BPI: variants seen among roughly 807,000 people sequenced by gnomAD.
BPI encodes the protein bactericidal permeability-increasing protein.
BPI carries 48 observed loss-of-function variants against 57.6 expected under a neutral mutation model. The ratio of observed to expected loss-of-function variants is 0.83; its 90% CI spans 0.66 to 1.06. The LOEUF (loss-of-function observed/expected upper bound fraction) is 1.06, where lower values mean the gene tolerates loss of function less well. Ranked by LOEUF, BPI falls within the 50% of genes least tolerant of loss-of-function variation. The probability of loss-of-function intolerance (pLI) is 0.00; values close to 1 mark genes in which losing one functional copy is unlikely to be tolerated. For synonymous variants in BPI, 237 were observed against 238.2 expected (o/e 0.99, Z 0.05); for missense variants, 651 against 609.7 (o/e 1.07, Z -0.71).
chr20:38,309,157 C>T, intron 3 of BPI, 99 bp downstream of exon 3: 3 of 1,530,610 alleles, frequency 2.0e-6, no homozygotes, highest in Non-Finnish European at 2.7e-6. Context: ...TTTGCCTTGC[C>T]TATTACCACC....
intron 9 of BPI, among the ~76,000 whole-genome samples, 190 bp downstream of exon 9, chr20:38,325,023 G>C (rs1365755337): frequency 6.6e-6 from 1 of 152,248 alleles, no homozygotes; most frequent in Non-Finnish European, 1.5e-5. Flanking sequence ...TTGACCAGGT[G>C]TGGGAGTAGA....
rs370801121 is a variant in BPI, at chr20:38,337,125, A to T, written c.1414-21A>T. ...AAGGGGTGCATCTTCAACTGGTGACAACATTCTCATCTCTCCCTAGAACTT... is the reference window on the plus strand; with the variant it reads ...AAGGGGTGCATCTTCAACTGGTGACTACATTCTCATCTCTCCCTAGAACTT... On this transcript the variant is annotated intron_variant, in intron 14 of 14. Transcript: ENST00000642449. 36 of 1,600,992 alleles carry T rather than the reference A, an allele frequency of 2.2e-5. No homozygotes were observed. The African/African-American group carries it at 4.3e-4, about 19-fold the overall frequency.
chr20:38,335,418 A>G lies in BPI; in HGVS notation c.1337-180A>G, dbSNP rs984711023. 2.0e-4 allele frequency: 120 copies of G among 615,168 alleles called. 1 individual carries two copies. Among genetic ancestry groups the G allele is most frequent in the Non-Finnish European group, 4.1e-5 (14 of 345,600 alleles). The allele number at this position is 615,168 out of a possible 1,614,324, so 38.1% of individuals were successfully genotyped here. On this transcript the variant is annotated intron_variant, in intron 13 of 14. Coordinates refer to ENST00000642449, the MANE Select transcript of BPI (RefSeq NM_001725.3). The stretch of plus-strand genomic sequence containing the variant: ...AGTGGACTTGGGGTTGATGGACAAC[A>G]GGTGGGAGGTACGGACTCTGGGGCA...
intron 5 of BPI, among the ~76,000 whole-genome samples, chr20:38,316,972 A>G (rs535177726): frequency 2.0e-5 from 3 of 152,292 alleles, no homozygotes; most frequent in African/African-American, 7.2e-5. Context: ...AGAGCTTGCA[A>G]AGAAGTCTGG....
chr20:38,318,632 C>T (rs2076665433), intron 6 of BPI, among the ~76,000 whole-genome samples, 156 bp downstream of exon 6: 1 of 152,142 alleles, frequency 6.6e-6, no homozygotes, highest in Non-Finnish European at 1.5e-5. Flanking sequence ...AGGCAGCTAG[C>T]ATTGGGTCAA....
Position 38,307,622 on chromosome 20 carries a change from TG to T in BPI, c.187del (p.Asp63ThrfsTer33). The stretch of plus-strand genomic sequence containing the variant: ...AGGAGCTGAAGAGGATCAAGATTCC[TG>T]ACTACTCAGACAGCTTTAAGATCAA... ...QKELKRIKIP[D>X]YSDSFKIKHL... is the part of the protein sequence containing the mutation. On this transcript the variant is annotated frameshift_variant, in exon 2 of 15. Transcript: ENST00000642449. LOFTEE classifies it high-confidence loss of function. The T allele has an allele frequency of 6.2e-7, 1 of 1,612,234 alleles. No individual in the cohort carries two copies. The highest frequency in any genetic ancestry group is 8.5e-7 in the Non-Finnish European group (1 of 1,179,288).
chr20:38,315,835 C>CTTTTTTT (rs374398594), intron 5 of BPI, among the ~76,000 whole-genome samples: 2 of 132,252 alleles, frequency 1.5e-5, no homozygotes, highest in African/African-American at 2.8e-5. Flanking sequence ...CTTTTCTTTT[C>CTTTTTTT]TTTTTTTTTT....
intron 5 of BPI, among the ~76,000 whole-genome samples, chr20:38,314,068 TTGA>T (rs1179697542): frequency 1.8e-4 from 10 of 56,924 alleles, no homozygotes; most frequent in African/African-American, 5.0e-4. Flanking sequence ...TATGGTGAGG[TTGA>T]TGATGATGAT....
intron 12 of BPI, among the ~76,000 whole-genome samples, chr20:38,332,320 G>A (rs570194839): frequency 2.0e-5 from 3 of 152,124 alleles, no homozygotes; most frequent in African/African-American, 7.2e-5. Flanking sequence ...CAGACAAGGG[G>A]TCATTGAGGA....
At chr20:38,314,953 T>C (rs1197187836) in intron 5 of BPI, among the ~76,000 whole-genome samples, 2 of 151,396 alleles carry the variant, frequency 1.3e-5, no homozygotes, top group African/African-American at 4.9e-5. Flanking sequence ...ATTTTCTTCC[T>C]CCAAGGCAGG....
Position 38,310,473 on chromosome 20 carries a change from C to A in BPI, c.375-18C>A, listed in dbSNP as rs373538095. 6.2e-6 allele frequency: 10 copies of A among 1,608,818 alleles called. No homozygotes were observed. Among genetic ancestry groups the A allele is most frequent in the African/African-American group, 5.3e-5 (4 of 74,856 alleles). Reference sequence around the variant, plus strand: ...GGAAGAAAGGACTTGTCCCACATTCCTCTTTGTTCTTCTTCAGAAAAATGA... The same window carrying A: ...GGAAGAAAGGACTTGTCCCACATTCATCTTTGTTCTTCTTCAGAAAAATGA... On this transcript the variant is annotated intron_variant, in intron 3 of 14. Transcript: ENST00000642449.
intron 14 of BPI, 110 bp downstream of exon 14, chr20:38,335,784 C>A (rs886218925): frequency 2.9e-6 from 3 of 1,030,624 alleles, no homozygotes; most frequent in African/African-American, 3.2e-5. Context: ...GCCTTCTACC[C>A]TTACAACAAC....
chr20:38,319,850 A>G, intron 6 of BPI: 1 of 187,552 alleles, frequency 5.3e-6, no homozygotes, highest in Non-Finnish European at 8.9e-6. Flanking sequence ...TCTGTTCTAC[A>G]AATGACAAAA....
chr20:38,309,451 T>C (rs1000011104), intron 3 of BPI, among the ~76,000 whole-genome samples: 2 of 152,182 alleles, frequency 1.3e-5, no homozygotes, highest in Non-Finnish European at 2.9e-5. Flanking sequence ...GGGTTGGGCT[T>C]AGCAGAGGAG....
At chr20:38,311,849 T>TA (rs1279073571) in intron 4 of BPI, 25 bp from the exon 5 acceptor site, 1 of 1,610,926 alleles carries the variant, frequency 6.2e-7, no homozygotes, top group East Asian at 2.2e-5. Flanking sequence ...AAGCCTCATC[T>TA]ATGTCCCTAC....
intron 5 of BPI, among the ~76,000 whole-genome samples, chr20:38,316,330 C>T (rs1185236233): frequency 1.3e-5 from 2 of 152,148 alleles, no homozygotes; most frequent in Non-Finnish European, 2.9e-5. Context: ...GCAGCCAACC[C>T]TAAGGAGGAT....
Position 38,337,484 on chromosome 20 carries a change from C to A in BPI, c.*300C>A, listed in dbSNP as rs183777741. The A allele has an allele frequency of 3.8e-5, 12 of 315,604 alleles. No individual in the cohort carries two copies. The Admixed American group carries it at 5.7e-4, about 15-fold the overall frequency. 19.6% of individuals were successfully genotyped at this position (315,604 alleles called of 1,614,324 possible). A position where few individuals can be genotyped will look rare whatever the true frequency, so the allele number is the denominator to read the frequency against. ...TCCATTTGTGCTTCATGAAAAAAAACTTCTGGTTTTTTTCATGTGGATTCT... is the reference window on the plus strand; with the variant it reads ...TCCATTTGTGCTTCATGAAAAAAAAATTCTGGTTTTTTTCATGTGGATTCT... On this transcript the variant is annotated 3_prime_UTR_variant, in exon 15 of 15. Transcript: ENST00000642449.
intron 5 of BPI, among the ~76,000 whole-genome samples, chr20:38,316,884 AG>A (rs1281076959): frequency 2.6e-5 from 4 of 152,202 alleles, no homozygotes; most frequent in Admixed American, 6.5e-5. Flanking sequence ...AAATGGCTCA[AG>A]AAGAGGGCCT....
intron 13 of BPI, 57 bp downstream of exon 13, chr20:38,334,550 G>C (rs2076757903): frequency 6.5e-7 from 1 of 1,544,206 alleles, no homozygotes; most frequent in East Asian, 2.2e-5. Context: ...GGGTGGGGTT[G>C]ATTACCCACA....
Sources: gnomAD v4.1 joint callset for allele counts (sites outside exome capture counted in the v4.1 genomes callset) on GRCh38, gnomAD v4.1.1 for gene constraint, MANE v1.5 for transcripts, NCBI Gene and HGNC (gene_info 2026-07-23, HGNC 2026-07-21) for gene names.